The following SLC1A2 variants were observed in gnomAD, a reference collection of about 807,000 sequenced individuals.
SLC1A2 encodes excitatory amino acid transporter 2.
In SLC1A2, 15 loss-of-function variants were observed where a neutral mutation model predicts 48.8. The ratio of observed to expected loss-of-function variants is 0.31; its 90% CI spans 0.21 to 0.47. The LOEUF (loss-of-function observed/expected upper bound fraction) is 0.47. Ranked by LOEUF, SLC1A2 falls within the 20% of genes least tolerant of loss-of-function variation. SLC1A2 has a pLI of 0.99. For missense variants in SLC1A2, 502 were observed against 730.5 expected (o/e 0.69, Z 3.61); for synonymous variants, 279 against 272.6 (o/e 1.02, Z -0.23).
intron 4 of SLC1A2, among the ~76,000 whole-genome samples, chr11:35,307,909 G>A (rs1851563328): frequency 6.6e-6 from 1 of 152,182 alleles, no homozygotes; most frequent in Admixed American, 6.5e-5. Flanking sequence ...CCTAGGGCCT[G>A]CTGTGTGAGG....
chr11:35,313,510 C>A (rs1243370326), intron 3 of SLC1A2, among the ~76,000 whole-genome samples: 1 of 152,152 alleles, frequency 6.6e-6, no homozygotes, highest in Non-Finnish European at 1.5e-5. Context: ...CCTGCTTTTA[C>A]CAGAAAGAGA....
intron 1 of SLC1A2, among the ~76,000 whole-genome samples, chr11:35,331,597 C>T (rs945641739): frequency 6.6e-6 from 1 of 152,202 alleles, no homozygotes; most frequent in African/African-American, 2.4e-5. Context: ...TGGAGACAGG[C>T]TGGTTCACAG....
chr11:35,362,495 A>G (rs1853715595), intron 1 of SLC1A2, among the ~76,000 whole-genome samples: 1 of 152,216 alleles, frequency 6.6e-6, no homozygotes, highest in Admixed American at 6.5e-5. Context: ...CCTTGGACAG[A>G]TTATCTAACA....
chr11:35,392,832 T>G (rs1484539663), intron 1 of SLC1A2, among the ~76,000 whole-genome samples: 1 of 152,192 alleles, frequency 6.6e-6, no homozygotes, highest in Non-Finnish European at 1.5e-5. Context: ...TGAATCTATT[T>G]GGAAGGTTTT....
Position 35,260,057 on chromosome 11 carries a change from C to T in SLC1A2, c.*837G>A, listed in dbSNP as rs1306209267. ...TTGATTTTACTACACCAGGTGAAGGCAAACCGAACATAAATAAATTTGAAT... is the reference window on the plus strand; with the variant it reads ...TTGATTTTACTACACCAGGTGAAGGTAAACCGAACATAAATAAATTTGAAT... On this transcript the variant is annotated 3_prime_UTR_variant, in exon 11 of 11. Transcript: ENST00000278379. The T allele has an allele frequency of 6.6e-6, 1 of 152,192 alleles. No individual in the cohort carries two copies. The highest frequency in any genetic ancestry group is 1.5e-5 in the Non-Finnish European group (1 of 68,016). 9.4% of individuals were successfully genotyped at this position (152,192 alleles called of 1,614,324 possible).
intron 3 of SLC1A2, among the ~76,000 whole-genome samples, chr11:35,314,567 G>A (rs959556956): frequency 2.0e-5 from 3 of 151,918 alleles, no homozygotes; most frequent in Admixed American, 6.6e-5. Flanking sequence ...ACAAAAATTA[G>A]CCAGGCATGA....
chr11:35,304,180 G>T (rs902997893), intron 5 of SLC1A2, among the ~76,000 whole-genome samples: 2 of 152,106 alleles, frequency 1.3e-5, no homozygotes, highest in East Asian at 3.8e-4. Flanking sequence ...AGTGAGTTGT[G>T]TTGAAACTCC....
chr11:35,294,770 A>G (rs556035340), intron 6 of SLC1A2, among the ~76,000 whole-genome samples: 10 of 152,356 alleles, frequency 6.6e-5, no homozygotes, highest in African/African-American at 2.4e-4. Flanking sequence ...TTTGGGCCAC[A>G]GACAGATGGA....
At chr11:35,318,646 G>A (rs1215408686) in intron 1 of SLC1A2, among the ~76,000 whole-genome samples, 1 of 152,196 alleles carries the variant, frequency 6.6e-6, no homozygotes, top group Non-Finnish European at 1.5e-5. Context: ...GAGTCAGAGG[G>A]CCTTGACTTC....
intron 1 of SLC1A2, among the ~76,000 whole-genome samples, chr11:35,324,125 C>T (rs1852163210): frequency 6.6e-6 from 1 of 152,230 alleles, no homozygotes; most frequent in African/African-American, 2.4e-5. Context: ...CATATTGCTT[C>T]CTAAGCACAG....
chr11:35,352,179 A>T (rs1853283860), intron 1 of SLC1A2: 1 of 152,250 alleles, frequency 6.6e-6, no homozygotes, highest in Non-Finnish European at 1.5e-5. Flanking sequence ...AAAACAAAGA[A>T]CTACTTAATC....
In SLC1A2 at chr11:35,321,649, C is replaced by G. The variant is rs773463198; in HGVS notation, c.18-4133G>C. ...GGGTTTAAATGACTATTTCAGCGCC[C>G]CCTAAGAGATATGGTTACCAGGAAG... On this transcript the variant is annotated intron_variant, in intron 1 of 10. Transcript: ENST00000278379. 7.1e-4 allele frequency among the ~76,000 whole-genome samples: 108 copies of G among 152,124 alleles called. 2 individuals carry two copies. Among genetic ancestry groups the G allele is most frequent in the Middle Eastern group, 3.4e-3 (1 of 294 alleles).
chr11:35,379,059 T>C (rs1854334337), intron 1 of SLC1A2, among the ~76,000 whole-genome samples: 1 of 152,140 alleles, frequency 6.6e-6, no homozygotes, highest in Non-Finnish European at 1.5e-5. Context: ...AGAAACCCCA[T>C]GTCTACTAAA....
At chr11:35,273,259 G>C (rs556629291) in intron 9 of SLC1A2, among the ~76,000 whole-genome samples, 1 of 152,288 alleles carries the variant, frequency 6.6e-6, no homozygotes, top group Non-Finnish European at 1.5e-5. Flanking sequence ...CCCGAGGAAG[G>C]CTGGCACAGC....
chr11:35,322,069 T>C (rs1355497350), intron 1 of SLC1A2, among the ~76,000 whole-genome samples: 2 of 152,134 alleles, frequency 1.3e-5, no homozygotes, highest in Non-Finnish European at 2.9e-5. Flanking sequence ...AGTAAGGCCA[T>C]GTGATGGGAC....
Position 35,306,198 on chromosome 11 carries a change from G to A in SLC1A2, c.606C>T (p.Asp202=), listed in dbSNP as rs780664753. 14 of 1,613,718 alleles carry A rather than the reference G, an allele frequency of 8.7e-6. No homozygotes were observed. The highest frequency in any genetic ancestry group is 1.2e-5 in the Non-Finnish European group (14 of 1,179,912). The change falls in exon 5 of 11, where the codon GAC becomes GAT. Residue 202 remains aspartate, a synonymous_variant. Coordinates refer to ENST00000278379, the MANE Select transcript of SLC1A2 (RefSeq NM_004171.4). ...TKKVLVAPPP[D]EEANATSAVV... is the part of the protein sequence containing the mutation. ...CAGCGCTGGTTGCGTTGGCCTCCTC[G>A]TCCGGCGGTGGTGCAACCAGGACTT...
At chr11:35,355,888 T>G (rs991288908) in intron 1 of SLC1A2, among the ~76,000 whole-genome samples, 2 of 102,786 alleles carry the variant, frequency 1.9e-5, no homozygotes, top group African/African-American at 9.1e-5. Context: ...CCATCTCATC[T>G]CAAAAAAAAA....
rs1407523050 is a variant in SLC1A2, at chr11:35,255,737, C to A, written c.*5157G>T. The A allele has an allele frequency of 6.6e-6, 1 of 152,218 alleles. No individual in the cohort carries two copies. Among genetic ancestry groups the A allele is most frequent in the African/African-American group, 2.4e-5 (1 of 41,464 alleles). 9.4% of individuals were successfully genotyped at this position (152,218 alleles called of 1,614,324 possible). A position where few individuals can be genotyped will look rare whatever the true frequency, so the allele number is the denominator to read the frequency against. ...AGTCCTCTCATGTTGACTCTGGAAACATTTTTCCGTGAGCCAAATCACTAC... is the reference window on the plus strand; with the variant it reads ...AGTCCTCTCATGTTGACTCTGGAAAAATTTTTCCGTGAGCCAAATCACTAC... On this transcript the variant is annotated 3_prime_UTR_variant, in exon 11 of 11. Coordinates refer to ENST00000278379, the MANE Select transcript of SLC1A2 (RefSeq NM_004171.4).
chr11:35,343,002 G>T (rs1852899036), intron 1 of SLC1A2, among the ~76,000 whole-genome samples: 1 of 152,140 alleles, frequency 6.6e-6, no homozygotes, highest in South Asian at 2.1e-4. Flanking sequence ...GAACACTAAT[G>T]GTTCTAGAGT....
Sources: gnomAD v4.1 joint callset for allele counts (sites outside exome capture counted in the v4.1 genomes callset) on GRCh38, gnomAD v4.1.1 for gene constraint, MANE v1.5 for transcripts, NCBI Gene and HGNC (gene_info 2026-07-23, HGNC 2026-07-21) for gene names.